SNRNP40: variants seen among roughly 807,000 people sequenced by gnomAD.
SNRNP40 encodes U5 small nuclear ribonucleoprotein 40 kDa protein.
SNRNP40 carries 21 observed loss-of-function variants against 45.8 expected under a neutral mutation model. The observed-to-expected ratio is 0.46, with a 90% CI of 0.32 to 0.66. SNRNP40 has a LOEUF of 0.66. Among genes scored for constraint, SNRNP40 ranks in the 30% least tolerant of loss-of-function variants. The pLI is 0.03. For synonymous variants in SNRNP40, 142 were observed against 163.8 expected (o/e 0.87, Z 1.01); for missense variants, 344 against 439.1 (o/e 0.78, Z 1.94).
At chr1:31,262,511 A>ATC (rs1645865427) in intron 8 of SNRNP40, among the ~76,000 whole-genome samples, 2 of 119,386 alleles carry the variant, frequency 1.7e-5, no homozygotes, top group Non-Finnish European at 3.3e-5. Context: ...ACAGAGTGAG[A>ATC]CTCCATCTCC....
At chr1:31,267,962 A>G (rs1287072068) in intron 7 of SNRNP40, 30 bp from the exon 8 acceptor site, 2 of 1,531,128 alleles carry the variant, frequency 1.3e-6, no homozygotes, top group Non-Finnish European at 1.8e-6. Flanking sequence ...ACTGAATAGT[A>G]ATATACCAAA....
chr1:31,287,254 A>T (rs1646066388), intron 4 of SNRNP40, among the ~76,000 whole-genome samples: 1 of 152,226 alleles, frequency 6.6e-6, no homozygotes, highest in South Asian at 2.1e-4. Flanking sequence ...GATGCCTTAA[A>T]TATAAATATA....
chr1:31,272,089 GA>G (rs1208541090), intron 5 of SNRNP40, among the ~76,000 whole-genome samples: 2 of 151,944 alleles, frequency 1.3e-5, no homozygotes, highest in Middle Eastern at 3.4e-3. Flanking sequence ...AACTATTATA[GA>G]AAAAAACTAA....
chr1:31,284,328 T>TA (rs1267316849), intron 4 of SNRNP40, among the ~76,000 whole-genome samples: 2 of 152,192 alleles, frequency 1.3e-5, no homozygotes, highest in Non-Finnish European at 2.9e-5. Context: ...TTTCTATTTT[T>TA]AGAAGAGACG....
chr1:31,267,839 T>A, intron 8 of SNRNP40, 32 bp downstream of exon 8: 4 of 1,576,416 alleles, frequency 2.5e-6, no homozygotes, highest in Non-Finnish European at 3.5e-6. Flanking sequence ...GCCAGCTACA[T>A]CATTCTTTAC....
chr1:31,264,249 T>C lies in SNRNP40; in HGVS notation c.921-2617A>G, dbSNP rs761100605. 4.7e-4 allele frequency among the ~76,000 whole-genome samples: 72 copies of C among 152,346 alleles called. 1 individual carries two copies. Among genetic ancestry groups the C allele is most frequent in the South Asian group, 2.1e-4 (1 of 4,828 alleles). ...TTTAGCTGTCATCAGCTAGGCTCCA[T>C]AGAAAGTAAGTTCTGAACAAGATGG... On this transcript the variant is annotated intron_variant, in intron 8 of 9. Transcript: ENST00000263694.
chr1:31,277,349 AT>A (rs1645982748), intron 5 of SNRNP40, among the ~76,000 whole-genome samples: 2 of 152,338 alleles, frequency 1.3e-5, no homozygotes, highest in South Asian at 2.1e-4. Flanking sequence ...TATTTTTATA[AT>A]TCTTTTACAT....
chr1:31,259,755 CAAAAAAA>C lies in SNRNP40; in HGVS notation c.*310_*316del. 2.3e-6 allele frequency: 1 copy of C among 441,610 alleles called. No individual in the cohort carries two copies. Among genetic ancestry groups the C allele is most frequent in the Non-Finnish European group, 4.2e-6 (1 of 240,128 alleles). The allele number at this position is 441,610 out of a possible 1,614,324, so 27.4% of individuals were successfully genotyped here. A position where few individuals can be genotyped will look rare whatever the true frequency, so the allele number is the denominator to read the frequency against. On this transcript the variant is annotated 3_prime_UTR_variant, in exon 10 of 10. Transcript: ENST00000263694. ...AAGAAAATATCATACAAGCCAGTTA[CAAAAAAA>C]AAAAAAAAATCCCAACCAACAAATT...
At chr1:31,276,684 G>A (rs754674832) in intron 5 of SNRNP40, among the ~76,000 whole-genome samples, 1 of 151,734 alleles carries the variant, frequency 6.6e-6, no homozygotes, top group East Asian at 1.9e-4. Flanking sequence ...CCAGGAGTTC[G>A]AGACCAGCCT....
At chr1:31,295,463 G>A (rs1646140901) in intron 1 of SNRNP40, among the ~76,000 whole-genome samples, 1 of 152,192 alleles carries the variant, frequency 6.6e-6, no homozygotes, top group Admixed American at 6.5e-5. Context: ...GCAAATATTC[G>A]CAGGAGCTGA....
At position 31,271,397 on chromosome 1, in the gene SNRNP40, T is replaced by C. The variant is rs1254118749; in HGVS notation, c.757A>G (p.Asn253Asp). 6.2e-7 allele frequency: 1 copy of C among 1,613,424 alleles called. No homozygotes were observed. Among genetic ancestry groups the C allele is most frequent in the South Asian group, 1.1e-5 (1 of 90,956 alleles). ...LSSEGSYLLS[N>D]AMDNTVRVWD... ...AAGTTACCTGTATTGTCCATTGCAT[T>C]GGACAAAAGATAAGAGCCTTCAGAA... The change falls in exon 6 of 10, where the codon AAT (asparagine) becomes GAT (aspartate). Residue 253 changes from asparagine to aspartate, a missense_variant. Asn to Asp is a conservative substitution (Grantham distance 23). Transcript: ENST00000263694.
chr1:31,287,812 A>G (rs1320841019), intron 4 of SNRNP40, among the ~76,000 whole-genome samples: 1 of 152,186 alleles, frequency 6.6e-6, no homozygotes, highest in Non-Finnish European at 1.5e-5. Context: ...AGCCTGGCCA[A>G]TATGATGAAC....
At chr1:31,274,825 G>C (rs1360790372) in intron 5 of SNRNP40, among the ~76,000 whole-genome samples, 1 of 152,036 alleles carries the variant, frequency 6.6e-6, no homozygotes, top group African/African-American at 2.4e-5. Context: ...AGATTGGTGG[G>C]AACAGCATTA....
chr1:31,278,945 C>A (rs1361241008), intron 5 of SNRNP40, among the ~76,000 whole-genome samples: 1 of 151,974 alleles, frequency 6.6e-6, no homozygotes, highest in Non-Finnish European at 1.5e-5. Context: ...GAAGAAACTA[C>A]CAGATGGATA....
chr1:31,293,118 T>C (rs1439930624), intron 2 of SNRNP40, 101 bp downstream of exon 2: 5 of 1,298,950 alleles, frequency 3.8e-6, no homozygotes, highest in Admixed American at 3.9e-5. Context: ...GCCTGTTATG[T>C]TGCCAACATA....
chr1:31,262,665 C>A (rs7519766), intron 8 of SNRNP40, among the ~76,000 whole-genome samples: 83,658 of 150,582 alleles, frequency 0.56, 23,815 homozygotes, highest in Non-Finnish European at 0.63. Context: ...TAGAACTCTT[C>A]AAAAAAAAAG....
At position 31,260,493 on chromosome 1, in the gene SNRNP40, T is replaced by C. The variant is rs1464347382; in HGVS notation, c.1025-372A>G. ...CCTGGAGAAAGTTACAGTTTCTCCTTTAATTCAAGGCTGAAATTATTTGGT... is the reference window on the plus strand; with the variant it reads ...CCTGGAGAAAGTTACAGTTTCTCCTCTAATTCAAGGCTGAAATTATTTGGT... On this transcript the variant is annotated intron_variant, in intron 9 of 9. Transcript: ENST00000263694. 2.0e-5 allele frequency among the ~76,000 whole-genome samples: 3 copies of C among 152,118 alleles called. No homozygotes were observed. In the East Asian group the frequency reaches 5.8e-4, roughly 29 times the overall value.
chr1:31,281,599 T>C (rs955181882), intron 4 of SNRNP40, 103 bp from the exon 5 acceptor site: 1 of 994,438 alleles, frequency 1.0e-6, no homozygotes, highest in Non-Finnish European at 1.4e-6. Context: ...CATGAACACA[T>C]CTATAATTGG....
chr1:31,271,223 G>C (rs1044441639), intron 6 of SNRNP40, 156 bp downstream of exon 6: 1 of 688,084 alleles, frequency 1.5e-6, no homozygotes. Context: ...AAGTTGTTCA[G>C]GGACAAGACA....
Sources: allele counts gnomAD v4.1 joint callset (sites outside exome capture counted in the v4.1 genomes callset), GRCh38; gene constraint gnomAD v4.1.1; transcripts MANE v1.5; gene names NCBI Gene and HGNC (gene_info 2026-07-23, HGNC 2026-07-21).